Variants in MAGI1 observed in about 807,000 individuals in gnomAD.
The protein encoded by MAGI1 is membrane-associated guanylate kinase, WW and PDZ domain-containing protein 1.
Under a neutral mutation model 139.9 loss-of-function variants are expected in MAGI1, and 58 were observed. The observed-to-expected ratio is 0.41, with a 90% CI of 0.34 to 0.52. The LOEUF is 0.52. Ranked by LOEUF, MAGI1 falls within the 20% of genes least tolerant of loss-of-function variation. The pLI is 0.12. For synonymous variants in MAGI1, 812 were observed against 737.9 expected (o/e 1.10, Z -1.63); for missense variants, 1,874 against 1,901.6 (o/e 0.99, Z 0.27).
chr3:65,808,266 T>C (rs934147050), intron 1 of MAGI1, among the ~76,000 whole-genome samples: 8 of 152,144 alleles, frequency 5.3e-5, no homozygotes, highest in Non-Finnish European at 8.8e-5. Flanking sequence ...ATTACAGGCA[T>C]GAGACATGGC....
At chr3:65,456,370 T>C (rs1477405444) in intron 5 of MAGI1, among the ~76,000 whole-genome samples, 3 of 152,094 alleles carry the variant, frequency 2.0e-5, no homozygotes, top group African/African-American at 7.2e-5. Flanking sequence ...TCTCAATGAA[T>C]GGTTTGATAT....
intron 1 of MAGI1, among the ~76,000 whole-genome samples, chr3:65,672,613 G>A (rs1431929280): frequency 6.6e-6 from 1 of 152,122 alleles, no homozygotes; most frequent in African/African-American, 2.4e-5. Context: ...GAATAGAAGG[G>A]TGTCTGTAAG....
At chr3:65,463,233 T>A (rs1575845634) in intron 5 of MAGI1, among the ~76,000 whole-genome samples, 1 of 152,224 alleles carries the variant, frequency 6.6e-6, no homozygotes, top group Non-Finnish European at 1.5e-5. Context: ...ATATTGGCTG[T>A]GGGTTTGTCA....
rs1426381130 is a variant in MAGI1, at chr3:65,493,624, G to A, written c.438C>T (p.Thr146=). 4.3e-6 allele frequency: 7 copies of A among 1,613,926 alleles called. No homozygotes were observed. The Admixed American group carries it at 8.3e-5, about 19-fold the overall frequency. ...NLYRHAVPCT[T]RSPREGEVPG... is the part of the protein sequence containing the mutation. ...GCACTTCTCCTTCTCTGGGAGATCGGGTTGTGCCTGTAGCAGAAAATACAA... is the reference window on the plus strand; with the variant it reads ...GCACTTCTCCTTCTCTGGGAGATCGAGTTGTGCCTGTAGCAGAAAATACAA... Residue 146 remains threonine, a synonymous_variant, in exon 3 of 23, where the codon ACC becomes ACT. Transcript: ENST00000402939.
intron 18 of MAGI1, 57 bp downstream of exon 18, chr3:65,375,688 C>G: frequency 7.3e-7 from 1 of 1,361,538 alleles, no homozygotes. Context: ...AAGGAAAAGA[C>G]AGAGACAGAG....
chr3:65,825,649 A>G (rs1368732332), intron 1 of MAGI1, among the ~76,000 whole-genome samples: 1 of 152,208 alleles, frequency 6.6e-6, no homozygotes, highest in Non-Finnish European at 1.5e-5. Flanking sequence ...AAAACTATAT[A>G]TTCATCAATG....
At chr3:65,585,581 G>T (rs908720234) in intron 2 of MAGI1, among the ~76,000 whole-genome samples, 1 of 152,110 alleles carries the variant, frequency 6.6e-6, no homozygotes, top group Admixed American at 6.6e-5. Flanking sequence ...AATGAAAAAT[G>T]GTACAGCCAC....
At chr3:65,401,694 T>C in intron 12 of MAGI1, 1 of 1,535,338 alleles carries the variant, frequency 6.5e-7, no homozygotes, top group Non-Finnish European at 8.8e-7. Flanking sequence ...TTAGCTATGC[T>C]GACTTGTACT....
chr3:65,680,798 A>ATATGATATGATATGATAT (rs528938659), intron 1 of MAGI1, among the ~76,000 whole-genome samples: 4 of 80,740 alleles, frequency 5.0e-5, no homozygotes, highest in African/African-American at 3.1e-4. Flanking sequence ...GATATGATAT[A>ATATGATATGATATGATAT]CTTTAATAAT....
intron 1 of MAGI1, among the ~76,000 whole-genome samples, chr3:66,025,488 C>T (rs1450228316): frequency 6.6e-6 from 1 of 152,134 alleles, no homozygotes. Flanking sequence ...GAGCCAAGAC[C>T]GTGCCACTAC....
intron 2 of MAGI1, among the ~76,000 whole-genome samples, chr3:65,599,241 T>G (rs1366751607): frequency 6.6e-6 from 1 of 152,156 alleles, no homozygotes; most frequent in Non-Finnish European, 1.5e-5. Flanking sequence ...CAAAGCAGGC[T>G]TTACGGGTGC....
rs11443949 is a variant in MAGI1 at position 65,589,837 on chromosome 3, C to CAA, written c.430+32133_430+32134dup. On this transcript the variant is annotated intron_variant, in intron 2 of 22. Coordinates refer to ENST00000402939, the MANE Select transcript of MAGI1 (RefSeq NM_001033057.2). ...TTTAGATGGTTGCCAGGGTGGTTTT[C>CAA]AAAAAAAAAAAAACAAATAGTACCA... Among the ~76,000 whole-genome samples, 1,047 of 135,986 alleles carry CAA rather than the reference C, an allele frequency of 7.7e-3. 9 individuals carry two copies. The highest frequency in any genetic ancestry group is 0.025 in the African/African-American group (953 of 38,036). 89.2% of individuals were successfully genotyped at this position (135,986 alleles called of 152,430 possible).
At chr3:65,870,015 T>G (rs1279125939) in intron 1 of MAGI1, among the ~76,000 whole-genome samples, 2 of 152,200 alleles carry the variant, frequency 1.3e-5, no homozygotes, top group East Asian at 3.9e-4. Flanking sequence ...GGCCATTGAT[T>G]ACTACCCTCA....
chr3:65,548,500 C>A (rs541424563), intron 2 of MAGI1, among the ~76,000 whole-genome samples: 2 of 137,240 alleles, frequency 1.5e-5, no homozygotes, highest in Admixed American at 7.7e-5. Context: ...CAGCTTTATG[C>A]AAACAACACT....
At chr3:65,620,779 T>A (rs944424176) in intron 2 of MAGI1, among the ~76,000 whole-genome samples, 16 of 152,178 alleles carry the variant, frequency 1.1e-4, no homozygotes, top group African/African-American at 3.4e-4. Flanking sequence ...TGGGGCCCTG[T>A]CCCAAGTTAC....
chr3:65,610,551 G>C (rs1250239356), intron 2 of MAGI1, among the ~76,000 whole-genome samples: 1 of 150,602 alleles, frequency 6.6e-6, no homozygotes, highest in Non-Finnish European at 1.5e-5. Context: ...CACTAATTAA[G>C]TGAACTTGAG....
intron 2 of MAGI1, among the ~76,000 whole-genome samples, chr3:65,553,045 T>A (rs920078948): frequency 4.6e-5 from 7 of 152,146 alleles, no homozygotes; most frequent in Admixed American, 1.3e-4. Context: ...TAAATAGCTA[T>A]TCCTGATACT....
chr3:65,828,988 T>TACCACA (rs1238297850), intron 1 of MAGI1, among the ~76,000 whole-genome samples: 1 of 152,172 alleles, frequency 6.6e-6, no homozygotes, highest in East Asian at 1.9e-4. Context: ...GGGATCTTGG[T>TACCACA]ACCACAACCA....
At chr3:65,638,260 C>T (rs1404153466) in intron 1 of MAGI1, among the ~76,000 whole-genome samples, 1 of 152,100 alleles carries the variant, frequency 6.6e-6, no homozygotes, top group African/African-American at 2.4e-5. Context: ...GTGAGCTACC[C>T]TTTCCTTCAT....
Sources: gnomAD v4.1 joint callset for allele counts (sites outside exome capture counted in the v4.1 genomes callset) on GRCh38, gnomAD v4.1.1 for gene constraint, MANE v1.5 for transcripts, NCBI Gene and HGNC (gene_info 2026-07-23, HGNC 2026-07-21) for gene names.